SLC14A2: variants seen among roughly 807,000 people sequenced by gnomAD.
SLC14A2 encodes solute carrier family 14 member 2.
In SLC14A2, 91 loss-of-function variants were observed where a neutral mutation model predicts 104.6. The ratio of observed to expected loss-of-function variants is 0.87; its 90% CI spans 0.73 to 1.04. The LOEUF (loss-of-function observed/expected upper bound fraction) is 1.04, where lower values mean the gene tolerates loss of function less well. Among genes scored for constraint, SLC14A2 ranks in the 50% least tolerant of loss-of-function variants. The pLI is 0.00. For missense variants in SLC14A2, 1,189 were observed against 1,156.0 expected (o/e 1.03, Z -0.41); for synonymous variants, 476 against 466.4 (o/e 1.02, Z -0.27).
At chr18:45,274,254 G>GA (rs750036197) in intron 1 of SLC14A2, among the ~76,000 whole-genome samples, 3 of 152,192 alleles carry the variant, frequency 2.0e-5, no homozygotes, top group Non-Finnish European at 4.4e-5. Context: ...ATTCATGCAA[G>GA]ATGTGTGTTG....
At chr18:45,244,672 C>A (rs1483537980) in intron 1 of SLC14A2, among the ~76,000 whole-genome samples, 1 of 151,866 alleles carries the variant, frequency 6.6e-6, no homozygotes, top group Non-Finnish European at 1.5e-5. Flanking sequence ...GCAGGTGGTG[C>A]TTTAAAATAG....
chr18:45,419,371 C>T (rs978075507), intron 1 of SLC14A2, among the ~76,000 whole-genome samples: 7 of 152,186 alleles, frequency 4.6e-5, no homozygotes, highest in Non-Finnish European at 1.0e-4. Flanking sequence ...GAAAATGATT[C>T]TCTCTCTGAT....
At chr18:45,682,208 GCCCTCAAAGCAGT>G in intron 19 of SLC14A2, 98 bp from the exon 20 acceptor site, 3 of 866,132 alleles carry the variant, frequency 3.5e-6, no homozygotes, top group Non-Finnish European at 5.9e-6. Flanking sequence ...AAGTATCAAT[GCCCTCAAAGCAGT>G]CCCTCATGTC....
intron 2 of SLC14A2, chr18:45,527,763 AT>A (rs911943777): frequency 2.6e-5 from 4 of 152,316 alleles, no homozygotes; most frequent in African/African-American, 7.2e-5. Flanking sequence ...GCAATGATAT[AT>A]TTTTAAGTGC....
intron 2 of SLC14A2, among the ~76,000 whole-genome samples, chr18:45,591,180 G>A (rs1004519130): frequency 6.6e-6 from 1 of 152,096 alleles, no homozygotes; most frequent in African/African-American, 2.4e-5. Context: ...CTTCTGATAT[G>A]CAAATATCCC....
At chr18:45,382,060 G>T (rs866493325) in intron 1 of SLC14A2, among the ~76,000 whole-genome samples, 1 of 152,118 alleles carries the variant, frequency 6.6e-6, no homozygotes, top group Non-Finnish European at 1.5e-5. Context: ...AATATTCAGG[G>T]CCTCAATCTC....
chr18:45,617,064 C>T (rs1159114248), intron 1 of SLC14A2, among the ~76,000 whole-genome samples: 2 of 152,158 alleles, frequency 1.3e-5, no homozygotes, highest in African/African-American at 4.8e-5. Flanking sequence ...CGCCACTGCA[C>T]TCTAGCCTGG....
intron 2 of SLC14A2, among the ~76,000 whole-genome samples, chr18:45,550,837 T>C (rs1165807583): frequency 6.6e-6 from 1 of 152,170 alleles, no homozygotes; most frequent in Non-Finnish European, 1.5e-5. Context: ...AAGATCAACA[T>C]AGTCCCAGTT....
At chr18:45,415,641 G>A (rs1000649939) in intron 1 of SLC14A2, among the ~76,000 whole-genome samples, 9 of 152,064 alleles carry the variant, frequency 5.9e-5, no homozygotes, top group Admixed American at 5.2e-4. Flanking sequence ...AAACCACAGG[G>A]GGTCAAAAAG....
At chr18:45,349,337 G>T (rs1308089810) in intron 1 of SLC14A2, among the ~76,000 whole-genome samples, 3 of 152,190 alleles carry the variant, frequency 2.0e-5, no homozygotes, top group Admixed American at 2.0e-4. Context: ...ACATGAGAAT[G>T]TTGCAGTATA....
chr18:45,497,427 T>C (rs1490664172), intron 2 of SLC14A2, among the ~76,000 whole-genome samples: 1 of 152,090 alleles, frequency 6.6e-6, no homozygotes, highest in East Asian at 1.9e-4. Flanking sequence ...AGACATACAA[T>C]CTTTCAGGCA....
intron 18 of SLC14A2, among the ~76,000 whole-genome samples, chr18:45,678,276 C>A (rs947427874): frequency 6.6e-6 from 1 of 152,182 alleles, no homozygotes; most frequent in African/African-American, 2.4e-5. Flanking sequence ...GATAATAGTG[C>A]TTACACTGTA....
At chr18:45,603,551 A>G (rs1399706947) in intron 2 of SLC14A2, among the ~76,000 whole-genome samples, 6 of 152,164 alleles carry the variant, frequency 3.9e-5, no homozygotes, top group Non-Finnish European at 8.8e-5. Flanking sequence ...CTAGGGTTAC[A>G]ATCAGGGTAT....
intron 2 of SLC14A2, chr18:45,507,468 T>C (rs934895488): frequency 1.3e-5 from 2 of 152,234 alleles, no homozygotes; most frequent in Admixed American, 6.5e-5. Flanking sequence ...CTTTCCTCCA[T>C]GGGAGAGACC....
chr18:45,453,761 G>A (rs1244129229), intron 1 of SLC14A2, among the ~76,000 whole-genome samples: 2 of 151,534 alleles, frequency 1.3e-5, no homozygotes, highest in Non-Finnish European at 2.9e-5. Context: ...TGCACATCTT[G>A]CATTCACAGT....
At chr18:45,273,857 A>G (rs1332302513) in intron 1 of SLC14A2, among the ~76,000 whole-genome samples, 2 of 152,096 alleles carry the variant, frequency 1.3e-5, no homozygotes, top group African/African-American at 4.8e-5. Flanking sequence ...ACTCTGTGTG[A>G]GCATCTATAG....
At chr18:45,433,525 G>A (rs1321302604) in intron 1 of SLC14A2, among the ~76,000 whole-genome samples, 2 of 152,136 alleles carry the variant, frequency 1.3e-5, no homozygotes, top group Non-Finnish European at 2.9e-5. Flanking sequence ...CACTATTCTT[G>A]TGACACTTAC....
At chr18:45,551,531 G>A (rs768992659) in intron 2 of SLC14A2, among the ~76,000 whole-genome samples, 4 of 152,206 alleles carry the variant, frequency 2.6e-5, no homozygotes, top group Non-Finnish European at 4.4e-5. Context: ...GCCGGCCCTC[G>A]ATGTCAGTCC....
intron 1 of SLC14A2, among the ~76,000 whole-genome samples, chr18:45,251,595 G>A (rs1008243415): frequency 3.4e-4 from 52 of 152,278 alleles, no homozygotes; most frequent in African/African-American, 6.0e-4. Context: ...TGTCTGCAGC[G>A]TTGTTTCTTT....
Sources: allele counts gnomAD v4.1 joint callset (sites outside exome capture counted in the v4.1 genomes callset), GRCh38; gene constraint gnomAD v4.1.1; transcripts MANE v1.5; gene names NCBI Gene and HGNC (gene_info 2026-07-23, HGNC 2026-07-21).